The following KIF13B variants were observed in gnomAD, a reference collection of about 807,000 sequenced individuals.
The protein encoded by KIF13B is kinesin-like protein KIF13B.
KIF13B carries 127 observed loss-of-function variants against 222.0 expected under a neutral mutation model. The observed-to-expected ratio is 0.57, with a 90% confidence interval of 0.50 to 0.66. The LOEUF is 0.66. Among genes scored for constraint, KIF13B ranks in the 30% least tolerant of loss-of-function variants. The pLI, the probability that KIF13B is intolerant of heterozygous loss-of-function variation, is 0.00. For missense variants in KIF13B, 2,173 were observed against 2,379.0 expected (o/e 0.91, Z 1.80); for synonymous variants, 976 against 919.0 (o/e 1.06, Z -1.12).
At chr8:29,177,419 G>C in intron 9 of KIF13B, 47 bp downstream of exon 9, 1 of 1,191,604 alleles carries the variant, frequency 8.4e-7, no homozygotes, top group Non-Finnish European at 1.3e-6. Context: ...TCCCCTATTG[G>C]CTATTAAATA....
chr8:29,244,672 C>T (rs1333088540), intron 2 of KIF13B, among the ~76,000 whole-genome samples: 4 of 152,208 alleles, frequency 2.6e-5, no homozygotes, highest in Non-Finnish European at 5.9e-5. Flanking sequence ...CTTATCCCAG[C>T]TTATTTACAG....
intron 1 of KIF13B, among the ~76,000 whole-genome samples, chr8:29,245,983 A>T (rs1424257596): frequency 1.3e-5 from 2 of 152,252 alleles, no homozygotes; most frequent in African/African-American, 4.8e-5. Context: ...GAAATGCAAG[A>T]CTTATCACTG....
intron 8 of KIF13B, 100 bp from the exon 9 acceptor site, chr8:29,177,678 G>A (rs1199204777): frequency 8.8e-6 from 7 of 794,302 alleles, no homozygotes; most frequent in African/African-American, 1.7e-5. Context: ...AAGGAAGGAG[G>A]ATCACCTGAG....
At chr8:29,241,706 G>GAAAAA (rs75531371) in intron 2 of KIF13B, among the ~76,000 whole-genome samples, 1 of 96,700 alleles carries the variant, frequency 1.0e-5, no homozygotes, top group African/African-American at 3.2e-5. Context: ...GCAAGGGAGG[G>GAAAAA]AAAAAAAAAA....
intron 10 of KIF13B, among the ~76,000 whole-genome samples, chr8:29,174,272 T>C (rs1458954339): frequency 2.0e-5 from 3 of 152,308 alleles, no homozygotes; most frequent in South Asian, 2.1e-4. Flanking sequence ...TACTCTATGA[T>C]TTTAATGGCT....
chr8:29,127,379 G>T, intron 24 of KIF13B, 111 bp from the exon 25 acceptor site: 1 of 814,592 alleles, frequency 1.2e-6, no homozygotes, highest in South Asian at 2.1e-5. Context: ...TTCAGACACT[G>T]TCACTATACC....
intron 14 of KIF13B, 92 bp from the exon 15 acceptor site, chr8:29,150,475 G>A (rs752761513): frequency 1.9e-5 from 12 of 633,648 alleles, no homozygotes; most frequent in Non-Finnish European, 3.3e-5. Flanking sequence ...AGTTACTAGG[G>A]AAAACAATAA....
chr8:29,101,344 T>C (rs529459097), intron 35 of KIF13B, among the ~76,000 whole-genome samples: 47 of 152,238 alleles, frequency 3.1e-4, no homozygotes, highest in African/African-American at 9.4e-4. Flanking sequence ...TTTGAGAGTA[T>C]TGTTTCATAT....
intron 35 of KIF13B, among the ~76,000 whole-genome samples, chr8:29,103,267 A>G (rs1385736896): frequency 3.3e-5 from 5 of 151,926 alleles, no homozygotes; most frequent in African/African-American, 1.2e-4. Context: ...AAACAAGTAA[A>G]ACAACAATAA....
intron 6 of KIF13B, among the ~76,000 whole-genome samples, chr8:29,184,428 T>C (rs1420866441): frequency 6.6e-6 from 1 of 152,122 alleles, no homozygotes; most frequent in East Asian, 1.9e-4. Context: ...AGGTGTATCA[T>C]CCCAGTCTAT....
chr8:29,099,337 T>C (rs1220221382), intron 35 of KIF13B, 96 bp from the exon 36 acceptor site: 1 of 777,150 alleles, frequency 1.3e-6, no homozygotes, highest in Non-Finnish European at 2.2e-6. Context: ...TGTTATATAT[T>C]ACTAAAGCTC....
chr8:29,118,558 C>A (rs185990693), intron 30 of KIF13B, among the ~76,000 whole-genome samples: 1 of 152,070 alleles, frequency 6.6e-6, no homozygotes, highest in South Asian at 2.1e-4. Context: ...TTTACCTCCA[C>A]GCACTTCCGC....
At chr8:29,080,304 G>C (rs1343990613) in intron 37 of KIF13B, among the ~76,000 whole-genome samples, 2 of 135,218 alleles carry the variant, frequency 1.5e-5, no homozygotes, top group Non-Finnish European at 3.1e-5. Context: ...ACTCACCCTG[G>C]GTGACAGAGT....
chr8:29,118,635 T>G (rs1258871396), intron 30 of KIF13B, among the ~76,000 whole-genome samples: 1 of 152,198 alleles, frequency 6.6e-6, no homozygotes, highest in Non-Finnish European at 1.5e-5. Context: ...CCGCTGCTGA[T>G]CTGAACTGCT....
At chr8:29,072,367 G>C (rs1681074114) in intron 38 of KIF13B, 51 bp from the exon 39 acceptor site, 1 of 1,246,338 alleles carries the variant, frequency 8.0e-7, no homozygotes, top group Non-Finnish European at 1.0e-6. Context: ...TTTCCAACAC[G>C]AACCAAGCAG....
At chr8:29,212,828 G>A (rs1342629906) in intron 2 of KIF13B, among the ~76,000 whole-genome samples, 2 of 148,404 alleles carry the variant, frequency 1.3e-5, no homozygotes, top group East Asian at 2.0e-4. Context: ...GATTACTAAT[G>A]TTCATACTAG....
rs541529157 is a variant in KIF13B, at chr8:29,240,947, G to A, written c.149+4399C>T. On this transcript the variant is annotated intron_variant, in intron 2 of 39. Coordinates refer to ENST00000524189, the MANE Select transcript of KIF13B (RefSeq NM_015254.4). ...TACAGTTATCATATGACCCAGAAGC[G>A]TTCCATAACTAGAAATGAATCTAAG... Among the ~76,000 whole-genome samples, 209 of 152,270 alleles carry A rather than the reference G, an allele frequency of 1.4e-3. 1 individual carries two copies. Among genetic ancestry groups the A allele is most frequent in the African/African-American group, 4.5e-3 (188 of 41,558 alleles).
rs117408366 is a variant in KIF13B, at chr8:29,069,042, G to A, written c.*1462C>T. 2,011 of 152,342 alleles carry A rather than the reference G, an allele frequency of 0.013. 29 individuals carry two copies. Among genetic ancestry groups the A allele is most frequent in the Non-Finnish European group, 0.022 (1,476 of 68,050 alleles). The allele number at this position is 152,342 out of a possible 1,614,324, so 9.4% of individuals were successfully genotyped here. ...CCACCATGGAGACTACTCTGTTGGC[G>A]CCTTCAAGTCCCTAGAGAACCAGAG... On this transcript the variant is annotated 3_prime_UTR_variant, in exon 40 of 40. Transcript: ENST00000524189.
At chr8:29,186,910 A>C (rs1812957015) in intron 5 of KIF13B, among the ~76,000 whole-genome samples, 1 of 151,124 alleles carries the variant, frequency 6.6e-6, no homozygotes, top group African/African-American at 2.4e-5. Context: ...CGGAGGTTGC[A>C]GTGAGCCGAG....
Sources: gnomAD v4.1 joint callset for allele counts (sites outside exome capture counted in the v4.1 genomes callset) on GRCh38, gnomAD v4.1.1 for gene constraint, MANE v1.5 for transcripts, NCBI Gene and HGNC (gene_info 2026-07-23, HGNC 2026-07-21) for gene names.